Variants in ZNF362 observed in about 807,000 individuals in gnomAD.
ZNF362 encodes the protein zinc finger protein 362, also known as rotund homolog.
Under a neutral mutation model 42.9 loss-of-function variants are expected in ZNF362, and 11 were observed. That is an observed-to-expected ratio of 0.26 (90% CI 0.16 to 0.42). ZNF362 has a LOEUF of 0.42. Among genes scored for constraint, ZNF362 ranks in the 20% least tolerant of loss-of-function variants. The pLI, the probability that ZNF362 is intolerant of heterozygous loss-of-function variation, is 1.00. For missense variants in ZNF362, 362 were observed against 576.2 expected (o/e 0.63, Z 3.81); for synonymous variants, 255 against 257.3 (o/e 0.99, Z 0.09).
At chr1:33,250,852 GGAAGAAGAAGAA>G in the ZNF362 span, among the ~76,000 whole-genome samples, 1,311 of 137,590 alleles carry the variant, frequency 9.5e-3, 19 homozygotes, top group African/African-American at 0.033. Context: ...GAAGAAAGAA[GGAAGAAGAAGAA>G]GAAGAAGAAG....
At chr1:33,147,428 C>G in the ZNF362 span, 1 of 1,614,128 alleles carries the variant, frequency 6.2e-7, no homozygotes, top group Non-Finnish European at 8.5e-7. The surrounding 1 kb of genome is among the most constrained non-coding windows in gnomAD (Gnocchi z 8.1). Flanking sequence ...TGGTTGCCAT[C>G]GTGCATCACG....
At chr1:33,214,929 G>A in the ZNF362 span, among the ~76,000 whole-genome samples, 3 of 152,166 alleles carry the variant, frequency 2.0e-5, no homozygotes, top group Admixed American at 2.0e-4. Context: ...ATGGAGAGTA[G>A]TTTGAAGGTT....
chr1:33,145,923 C>T, the ZNF362 span: 4 of 471,056 alleles, frequency 8.5e-6, no homozygotes, highest in South Asian at 6.2e-5. Context: ...TAAGTTCCCC[C>T]AAACAGAATC....
At chr1:33,283,078 T>A (rs139746386) in intron 6 of ZNF362, among the ~76,000 whole-genome samples, 1 of 152,282 alleles carries the variant, frequency 6.6e-6, no homozygotes, top group Admixed American at 6.5e-5. Context: ...AGTTTGTAAT[T>A]TACAGAAAGA....
chr1:33,296,266 C>T (rs75900631), intron 8 of ZNF362, among the ~76,000 whole-genome samples: 65 of 152,260 alleles, frequency 4.3e-4, no homozygotes, highest in Non-Finnish European at 8.8e-4. Flanking sequence ...CGCTAGATGC[C>T]AGTAGCAACC....
chr1:33,295,416 A>AGAAG, intron 8 of ZNF362, 111 bp downstream of exon 8: 1 of 1,375,268 alleles, frequency 7.3e-7, no homozygotes, highest in Non-Finnish European at 9.8e-7. Context: ...TTCCAGACAA[A>AGAAG]TTGAGGCCTA....
At chr1:33,227,035 T>C in the ZNF362 span, among the ~76,000 whole-genome samples, 3 of 152,150 alleles carry the variant, frequency 2.0e-5, no homozygotes, top group Admixed American at 2.0e-4. Flanking sequence ...GGGATGAGAA[T>C]ACTGGGGACA....
chr1:33,139,944 C>T, the ZNF362 span, among the ~76,000 whole-genome samples: 35 of 152,288 alleles, frequency 2.3e-4, no homozygotes, highest in Middle Eastern at 3.4e-3. Flanking sequence ...GCTACTCTTC[C>T]GGGAGTGGTT....
At chr1:33,178,043 T>C in the ZNF362 span, among the ~76,000 whole-genome samples, 1 of 152,172 alleles carries the variant, frequency 6.6e-6, no homozygotes, top group Non-Finnish European at 1.5e-5. Flanking sequence ...CAAGGATTTA[T>C]AATAAATGTA....
At chr1:33,234,671 G>A in the ZNF362 span, among the ~76,000 whole-genome samples, 5 of 152,142 alleles carry the variant, frequency 3.3e-5, no homozygotes, top group African/African-American at 1.2e-4. Flanking sequence ...GGACCAGCAC[G>A]GCAGCTGGGA....
the ZNF362 span, among the ~76,000 whole-genome samples, chr1:33,174,976 TATAC>T: frequency 5.7e-4 from 80 of 140,232 alleles, no homozygotes; most frequent in African/African-American, 2.0e-3. Flanking sequence ...TATACACACA[TATAC>T]ATATATATGC....
rs992521531 is a variant in ZNF362 at position 33,266,370 on chromosome 1, G to A, written c.-88-4117G>A. ...CTTGAGGCCCTACTGCATGGCTGGC[G>A]CTGGGCTCTGGGGCTGCAGCAGTGA... is the stretch of plus-strand genomic sequence containing the variant. On this transcript the variant is annotated intron_variant, in intron 1 of 8. Coordinates refer to ENST00000539719, the MANE Select transcript of ZNF362 (RefSeq NM_152493.3). This position sits in a 1 kb window ranked among gnomAD's most constrained non-coding sequence, Gnocchi z 4.3. 2.0e-5 allele frequency among the ~76,000 whole-genome samples: 3 copies of A among 152,236 alleles called. No homozygotes were observed. Among genetic ancestry groups the A allele is most frequent in the South Asian group, 2.1e-4 (1 of 4,836 alleles).
At chr1:33,174,966 T>C in the ZNF362 span, among the ~76,000 whole-genome samples, 94 of 95,334 alleles carry the variant, frequency 9.9e-4, no homozygotes, top group East Asian at 2.6e-3. Flanking sequence ...TATATATATA[T>C]ATACACACAT....
chr1:33,275,982 C>T, intron 2 of ZNF362, 118 bp from the exon 3 acceptor site: 1 of 1,119,796 alleles, frequency 8.9e-7, no homozygotes. Context: ...GGCTGGGGGA[C>T]CCACGGGGAC....
chr1:33,173,381 C>A, the ZNF362 span, among the ~76,000 whole-genome samples: 1 of 152,164 alleles, frequency 6.6e-6, no homozygotes, highest in Non-Finnish European at 1.5e-5. Context: ...GGATCAAGCT[C>A]AATGGGTGCG....
At chr1:33,160,386 C>T in the ZNF362 span, among the ~76,000 whole-genome samples, 1 of 151,844 alleles carries the variant, frequency 6.6e-6, no homozygotes, top group Non-Finnish European at 1.5e-5. Flanking sequence ...ATAGTGAAGT[C>T]TTTATTTTTT....
the ZNF362 span, chr1:33,159,630 C>T: frequency 6.4e-7 from 1 of 1,560,282 alleles, no homozygotes; most frequent in South Asian, 1.2e-5. The surrounding 1 kb of genome is among the most constrained non-coding windows in gnomAD (Gnocchi z 4.2). Context: ...TCCCACTGCC[C>T]AGCATGGGTC....
Position 33,281,726 on chromosome 1 carries a change from C to T in ZNF362, c.823C>T (p.Arg275Cys). ...ANASYLAQHL[R>C]IHLGVKPYHC... ...CGCCTCCTACCTGGCCCAGCACCTG[C>T]GCATCCACCTGGGCGTCAAGCCCTA... is the stretch of plus-strand genomic sequence containing the variant. Residue 275 changes from arginine to cysteine, a missense_variant, in exon 6 of 9, where the codon CGC (arginine) becomes TGC (cysteine). Physicochemically the swap from Arg to Cys is radical, Grantham distance 180. Around this residue, in one of 3 missense-constraint regions of ZNF362, gnomAD observed 28 missense variants for 103.4 expected, o/e 0.27. Coordinates refer to ENST00000539719, the MANE Select transcript of ZNF362 (RefSeq NM_152493.3). The surrounding 1 kb of genome is among the most constrained non-coding windows in gnomAD (Gnocchi z 4.8). 1 of 1,614,244 alleles carries T rather than the reference C, an allele frequency of 6.2e-7. No homozygotes were observed. Among genetic ancestry groups the T allele is most frequent in the Non-Finnish European group, 8.5e-7 (1 of 1,180,030 alleles).
At chr1:33,135,122 C>T in the ZNF362 span, among the ~76,000 whole-genome samples, 2 of 152,252 alleles carry the variant, frequency 1.3e-5, no homozygotes, top group South Asian at 2.1e-4. Flanking sequence ...CCCGTCTCTA[C>T]TAAAAATACA....
Sources: gnomAD v4.1 joint callset for allele counts (sites outside exome capture counted in the v4.1 genomes callset) on GRCh38, gnomAD v4.1.1 for gene constraint, gnomAD v4.1.1 regional missense constraint, Gnocchi (gnomAD v3.1) non-coding constraint, MANE v1.5 for transcripts, NCBI Gene and HGNC (gene_info 2026-07-23, HGNC 2026-07-21) for gene names.